Variants in RASA3 observed in about 807,000 individuals in gnomAD.
RASA3 encodes RAS p21 protein activator 3, also known as ras GTPase-activating protein 3.
A neutral mutation model predicts 110.0 loss-of-function variants in RASA3; 73 were observed. The ratio of observed to expected loss-of-function variants is 0.66; its 90% confidence interval spans 0.55 to 0.81. RASA3 has a LOEUF of 0.81. RASA3 is among the 30% of genes least tolerant of loss of function. RASA3 has a pLI of 0.00. For synonymous variants in RASA3, 500 were observed against 451.4 expected (o/e 1.11, Z -1.37); for missense variants, 976 against 1,113.2 (o/e 0.88, Z 1.75).
intron 2 of RASA3, among the ~76,000 whole-genome samples, chr13:114,059,342 C>T (rs1243892302): frequency 6.6e-6 from 1 of 152,258 alleles, no homozygotes; most frequent in African/African-American, 2.4e-5. Context: ...GGACGTTGGT[C>T]TCCACCAGGA....
chr13:114,074,159 C>T (rs973274531), intron 1 of RASA3, among the ~76,000 whole-genome samples: 5 of 152,222 alleles, frequency 3.3e-5, no homozygotes, highest in South Asian at 2.1e-4. Context: ...CTGACCTGCT[C>T]GCGTGCACAG....
chr13:114,095,027 T>C (rs1454577558), intron 1 of RASA3, among the ~76,000 whole-genome samples: 21 of 152,272 alleles, frequency 1.4e-4, no homozygotes, highest in Admixed American at 1.4e-3. Flanking sequence ...AAGGTGATGC[T>C]ATTATTCTAC....
intron 22 of RASA3, among the ~76,000 whole-genome samples, chr13:113,989,151 C>T (rs1223885686): frequency 6.7e-6 from 1 of 149,024 alleles, no homozygotes; most frequent in Admixed American, 6.6e-5. Flanking sequence ...CATCACTCAA[C>T]CCTCGGTCCA....
intron 1 of RASA3, among the ~76,000 whole-genome samples, chr13:114,122,971 G>A (rs2080398271): frequency 6.6e-6 from 1 of 152,226 alleles, no homozygotes; most frequent in Non-Finnish European, 1.5e-5. Flanking sequence ...GCGATTCCAC[G>A]AGCCACAAAA....
rs761708403 is a variant in RASA3, at chr13:113,996,710, C to T, written c.1962G>A (p.Ala654=). 3.2e-5 allele frequency: 52 copies of T among 1,613,620 alleles called. No individual in the cohort carries two copies. Among genetic ancestry groups the T allele is most frequent in the African/African-American group, 8.0e-5 (6 of 74,936 alleles). ...CGCAGTTGTTGGCCTGGATGTACAG[C>T]GCACGCTCTGGCTGGATGACCTGGA... ...NMFQVIQPER[A]LYIQANNCVE... The change falls in exon 21 of 24, where the codon GCG becomes GCA. Residue 654 remains alanine, a synonymous_variant. Coordinates refer to ENST00000334062, the MANE Select transcript of RASA3 (RefSeq NM_007368.4).
At chr13:114,050,224 A>C (rs2079122078) in intron 3 of RASA3, among the ~76,000 whole-genome samples, 1 of 152,192 alleles carries the variant, frequency 6.6e-6, no homozygotes, top group Non-Finnish European at 1.5e-5. Context: ...CTGGACCCTC[A>C]AGACCATCTC....
intron 2 of RASA3, among the ~76,000 whole-genome samples, chr13:114,072,037 C>G (rs140340063): frequency 6.0e-4 from 91 of 152,200 alleles, no homozygotes; most frequent in African/African-American, 2.1e-3. Context: ...CTCCTTATAA[C>G]CCGGTGGAGT....
Position 114,115,082 on chromosome 13 carries a change from A to T in RASA3, c.55+17353T>A, listed in dbSNP as rs2080260245. Among the ~76,000 whole-genome samples, 1 of 152,088 alleles carries T rather than the reference A, an allele frequency of 6.6e-6. No individual in the cohort carries two copies. Among genetic ancestry groups the T allele is most frequent in the Non-Finnish European group, 1.5e-5 (1 of 68,004 alleles). On this transcript the variant is annotated intron_variant, in intron 1 of 23. Coordinates refer to ENST00000334062, the MANE Select transcript of RASA3 (RefSeq NM_007368.4). The surrounding 1 kb of genome is among the most constrained non-coding windows in gnomAD (Gnocchi z 5.0). ...CCCACCCCCAGCTGTGAGATGCTGC[A>T]GGTCCCGGCAGGAGAAGGCTTCTCC...
intron 2 of RASA3, among the ~76,000 whole-genome samples, chr13:114,053,757 A>G (rs1006284734): frequency 6.6e-6 from 1 of 152,296 alleles, no homozygotes; most frequent in Non-Finnish European, 1.5e-5. Context: ...AAGTGCCAAA[A>G]GAAAAATAAA....
intron 1 of RASA3, among the ~76,000 whole-genome samples, chr13:114,093,468 T>C (rs747591322): frequency 2.0e-5 from 3 of 152,282 alleles, no homozygotes; most frequent in Non-Finnish European, 2.9e-5. Context: ...TTTGCTTCTT[T>C]TCTCTTGCTG....
chr13:114,061,546 A>G (rs2079349004), intron 2 of RASA3, among the ~76,000 whole-genome samples: 1 of 151,672 alleles, frequency 6.6e-6, no homozygotes, highest in African/African-American at 2.4e-5. Context: ...GCATGGCGGC[A>G]GGCGCCTGTA....
intron 21 of RASA3, among the ~76,000 whole-genome samples, chr13:113,995,775 G>GA (rs2053227617): frequency 3.3e-5 from 2 of 60,824 alleles, no homozygotes; most frequent in African/African-American, 1.1e-4. Flanking sequence ...GGCTGACGGG[G>GA]GGCCCGGCTG....
chr13:114,007,400 C>A, intron 18 of RASA3, 133 bp downstream of exon 18: 2 of 334,912 alleles, frequency 6.0e-6, no homozygotes, highest in Non-Finnish European at 1.0e-5. Context: ...TCCTGCCCTG[C>A]TGGACGCCAC....
intron 13 of RASA3, 104 bp downstream of exon 13, chr13:114,016,093 C>CA: frequency 9.7e-7 from 1 of 1,029,282 alleles, no homozygotes; most frequent in Non-Finnish European, 1.5e-6. Flanking sequence ...GTCCTGCTCC[C>CA]ACCCCAACCG....
intron 21 of RASA3, among the ~76,000 whole-genome samples, chr13:113,995,369 C>T (rs1007541344): frequency 1.3e-5 from 2 of 152,248 alleles, no homozygotes; most frequent in Admixed American, 1.3e-4. Context: ...TCTGTGTCCA[C>T]GAAGCAGGAT....
At chr13:114,050,962 G>C (rs1273331989) in intron 3 of RASA3, among the ~76,000 whole-genome samples, 1 of 152,244 alleles carries the variant, frequency 6.6e-6, no homozygotes, top group Admixed American at 6.5e-5. Flanking sequence ...CCACAGCTGA[G>C]GGACACAGGT....
chr13:114,016,365 C>G, intron 12 of RASA3, 94 bp from the exon 13 acceptor site: 2 of 945,838 alleles, frequency 2.1e-6, no homozygotes, highest in Non-Finnish European at 3.4e-6. Flanking sequence ...GAGATGTAGA[C>G]CCTGAGCCTC....
chr13:114,095,541 T>G (rs2079930695), intron 1 of RASA3, among the ~76,000 whole-genome samples: 1 of 152,154 alleles, frequency 6.6e-6, no homozygotes, highest in South Asian at 2.1e-4. Flanking sequence ...TTTTCTAGAT[T>G]TTTCCATGCT....
rs1032781880 is a variant in RASA3 at position 114,096,076 on chromosome 13, G to T, written c.56-22239C>A. 6.6e-6 allele frequency among the ~76,000 whole-genome samples: 1 copy of T among 152,156 alleles called. No individual in the cohort carries two copies. Among genetic ancestry groups the T allele is most frequent in the Non-Finnish European group, 1.5e-5 (1 of 68,036 alleles). Reference sequence around the variant, plus strand: ...GGTGGCACTGGTGTGCCGGGAGGGGGTGCTCTCCAGGTGGCCCTGGCGGCA... The same window carrying T: ...GGTGGCACTGGTGTGCCGGGAGGGGTTGCTCTCCAGGTGGCCCTGGCGGCA... On this transcript the variant is annotated intron_variant, in intron 1 of 23. Transcript: ENST00000334062. The surrounding 1 kb of genome is among the most constrained non-coding windows in gnomAD (Gnocchi z 5.1).
Sources: allele counts gnomAD v4.1 joint callset (sites outside exome capture counted in the v4.1 genomes callset), GRCh38; gene constraint gnomAD v4.1.1; non-coding constraint Gnocchi (gnomAD v3.1); transcripts MANE v1.5; gene names NCBI Gene and HGNC (gene_info 2026-07-23, HGNC 2026-07-21).